TLK1: variants seen among roughly 807,000 people sequenced by gnomAD.
The protein encoded by TLK1 is tousled like kinase 1, also known as serine/threonine-protein kinase tousled-like 1.
TLK1 carries 24 observed loss-of-function variants against 105.3 expected under a neutral mutation model. The observed-to-expected ratio is 0.23, with a 90% CI of 0.17 to 0.32. The LOEUF (loss-of-function observed/expected upper bound fraction) is 0.32, where lower values mean the gene tolerates loss of function less well. TLK1 is among the 10% of genes least tolerant of loss of function. The probability of loss-of-function intolerance (pLI) is 1.00; values close to 1 mark genes in which losing one functional copy is unlikely to be tolerated. For missense variants in TLK1, 558 were observed against 910.5 expected (o/e 0.61, Z 4.98); for synonymous variants, 321 against 310.4 (o/e 1.03, Z -0.36).
At position 171,061,005 on chromosome 2, in the gene TLK1, G is replaced by C. The variant is rs577958814; in HGVS notation, c.406+76C>G. On this transcript the variant is annotated intron_variant, in intron 4 of 20. Coordinates refer to ENST00000431350, the MANE Select transcript of TLK1 (RefSeq NM_012290.5). ...AACTTCATATTATTTTACAATTAGA[G>C]TATTAATTGGTTAAAAATTAAAACA... is the stretch of plus-strand genomic sequence containing the variant. 4.5e-6 allele frequency: 6 copies of C among 1,346,520 alleles called. No individual in the cohort carries two copies. The African/African-American group carries it at 8.8e-5, about 20-fold the overall frequency. The allele number at this position is 1,346,520 out of a possible 1,614,324, so 83.4% of individuals were successfully genotyped here. A position where few individuals can be genotyped will look rare whatever the true frequency, so the allele number is the denominator to read the frequency against.
intron 14 of TLK1, among the ~76,000 whole-genome samples, chr2:171,011,008 C>A (rs527590530): frequency 1.3e-4 from 20 of 152,074 alleles, no homozygotes; most frequent in East Asian, 1.9e-4. Context: ...ACAAGTACTT[C>A]TTTTTTTTGT....
intron 1 of TLK1, among the ~76,000 whole-genome samples, chr2:171,221,886 C>G (rs1233135769): frequency 6.6e-6 from 1 of 152,170 alleles, no homozygotes; most frequent in East Asian, 1.9e-4. Flanking sequence ...TTATTACCTC[C>G]TTCAAGTCAC....
chr2:171,177,881 C>T (rs561642930), intron 1 of TLK1, among the ~76,000 whole-genome samples: 1 of 152,230 alleles, frequency 6.6e-6, no homozygotes, highest in South Asian at 2.1e-4. Flanking sequence ...GCAACCTCTG[C>T]CTCCCGGGTT....
chr2:171,188,731 TTAG>T (rs1258581445), intron 1 of TLK1, among the ~76,000 whole-genome samples: 1 of 106,738 alleles, frequency 9.4e-6, no homozygotes, highest in Non-Finnish European at 1.9e-5. Flanking sequence ...AAAAAGAAAA[TTAG>T]TAGGACGTGG....
chr2:171,013,408 C>A (rs927882534), intron 13 of TLK1, among the ~76,000 whole-genome samples: 1 of 141,806 alleles, frequency 7.1e-6, no homozygotes, highest in Admixed American at 7.6e-5. Context: ...CAGGCTCAGG[C>A]GATCCTCCCT....
chr2:171,089,525 G>A (rs189932742), intron 2 of TLK1, among the ~76,000 whole-genome samples: 5 of 151,962 alleles, frequency 3.3e-5, no homozygotes, highest in East Asian at 1.9e-4. Flanking sequence ...CTATTTTAAC[G>A]ATCAACTCTT....
chr2:170,998,818 G>C (rs373999177), intron 18 of TLK1, among the ~76,000 whole-genome samples: 16 of 152,118 alleles, frequency 1.1e-4, no homozygotes, highest in African/African-American at 3.4e-4. Context: ...ACCCAGGCTG[G>C]AGTACAGTGG....
chr2:171,127,290 AAAAG>A (rs370148042), intron 1 of TLK1, among the ~76,000 whole-genome samples: 31,776 of 136,706 alleles, frequency 0.23, 3,609 homozygotes, highest in Middle Eastern at 0.31. Context: ...AAAAAAAAAA[AAAAG>A]AAAGAAAAAA....
Position 171,124,060 on chromosome 2 carries a change from CACTACAAA to C in TLK1, c.140-6211_140-6204del, listed in dbSNP as rs572902544. 4.0e-4 allele frequency among the ~76,000 whole-genome samples: 61 copies of C among 152,236 alleles called. 1 individual carries two copies. In the East Asian group the frequency reaches 5.8e-3, roughly 14 times the overall value. On this transcript the variant is annotated intron_variant, in intron 1 of 20. Coordinates refer to ENST00000431350, the MANE Select transcript of TLK1 (RefSeq NM_012290.5). ...TTCAAGGTTAGGTAGAAAGTTTCTC[CACTACAAA>C]ATTAAACAAATTTTTGAAATATGGA...
chr2:171,137,362 G>C (rs952155331), intron 1 of TLK1, among the ~76,000 whole-genome samples: 1 of 151,756 alleles, frequency 6.6e-6, no homozygotes, highest in Admixed American at 6.6e-5. Context: ...ATAAAACGAA[G>C]TAAATTCAAA....
intron 1 of TLK1, among the ~76,000 whole-genome samples, chr2:171,194,490 C>G (rs1214240979): frequency 6.6e-6 from 1 of 152,096 alleles, no homozygotes; most frequent in Non-Finnish European, 1.5e-5. Context: ...AGAAAAAGTT[C>G]AGTGAAATAA....
intron 1 of TLK1, among the ~76,000 whole-genome samples, chr2:171,148,668 A>C (rs1691890523): frequency 6.6e-6 from 1 of 151,972 alleles, no homozygotes; most frequent in Non-Finnish European, 1.5e-5. Flanking sequence ...AGATCACCTG[A>C]GGTCAGGCGT....
intron 2 of TLK1, among the ~76,000 whole-genome samples, chr2:171,092,806 C>T (rs1394416989): frequency 6.6e-6 from 1 of 151,998 alleles, no homozygotes; most frequent in African/African-American, 2.4e-5. Flanking sequence ...CACATGAGTA[C>T]TTTAAAGTAT....
chr2:171,173,519 C>G (rs1474764231), intron 1 of TLK1, among the ~76,000 whole-genome samples: 1 of 152,014 alleles, frequency 6.6e-6, no homozygotes, highest in Non-Finnish European at 1.5e-5. Context: ...TCCAGAGTAG[C>G]TAGGACTACA....
intron 1 of TLK1, among the ~76,000 whole-genome samples, chr2:171,158,949 T>C (rs772150976): frequency 2.0e-5 from 3 of 152,232 alleles, no homozygotes; most frequent in Non-Finnish European, 4.4e-5. Context: ...TCCGTGAATT[T>C]TCTAGAGCAT....
At chr2:171,230,338 TC>T (rs1248899790) in intron 1 of TLK1, among the ~76,000 whole-genome samples, 1 of 152,210 alleles carries the variant, frequency 6.6e-6, no homozygotes, top group Non-Finnish European at 1.5e-5. Flanking sequence ...CCCATTTGCA[TC>T]CCTGCTGTCC....
At chr2:171,133,346 C>A (rs1691179747) in intron 1 of TLK1, among the ~76,000 whole-genome samples, 1 of 152,184 alleles carries the variant, frequency 6.6e-6, no homozygotes, top group Non-Finnish European at 1.5e-5. Flanking sequence ...TCTGTAATCC[C>A]AGCACTTTGG....
chr2:171,057,732 T>C (rs1225104437), intron 5 of TLK1, among the ~76,000 whole-genome samples: 2 of 152,110 alleles, frequency 1.3e-5, no homozygotes, highest in Non-Finnish European at 2.9e-5. Flanking sequence ...TTCTATTCTT[T>C]ACTCTTCAAT....
Position 171,160,490 on chromosome 2 carries a change from C to T in TLK1, c.-62G>A. On this transcript the variant is annotated 5_prime_UTR_variant, in exon 1 of 21. Transcript: ENST00000431350. The surrounding 1 kb of genome is among the most constrained non-coding windows in gnomAD (Gnocchi z 4.4). ...ACGGCAGCGGCGGCAACGGCACCGG[C>T]ACCCGCCTCCGTCATGGCGGGGGCC... The T allele has an allele frequency of 1.3e-6, 2 of 1,569,312 alleles. No homozygotes were observed. The highest frequency in any genetic ancestry group is 1.7e-6 in the Non-Finnish European group (2 of 1,162,636).
Sources: allele counts gnomAD v4.1 joint callset (sites outside exome capture counted in the v4.1 genomes callset), GRCh38; gene constraint gnomAD v4.1.1; non-coding constraint Gnocchi (gnomAD v3.1); transcripts MANE v1.5; gene names NCBI Gene and HGNC (gene_info 2026-07-23, HGNC 2026-07-21).